FAM3B: variants seen among roughly 807,000 people sequenced by gnomAD.
FAM3B encodes protein FAM3B.
FAM3B carries 29 observed loss-of-function variants against 28.4 expected under a neutral mutation model. That is an observed-to-expected ratio of 1.02 (90% CI 0.76 to 1.39). FAM3B has a LOEUF of 1.39. FAM3B is among the 40% of genes most tolerant of loss of function. The pLI, the probability that FAM3B is intolerant of heterozygous loss-of-function variation, is 0.00. For missense variants in FAM3B, 266 were observed against 293.9 expected, an observed-to-expected ratio of 0.91 and a Z score of 0.69; for synonymous variants, 91 against 103.0, an observed-to-expected ratio of 0.88 and a Z score of 0.71.
intron 3 of FAM3B, among the ~76,000 whole-genome samples, chr21:41,342,463 A>G (rs143346815): frequency 5.4e-4 from 82 of 152,232 alleles, no homozygotes; most frequent in African/African-American, 1.9e-3. Flanking sequence ...AATGAAACAT[A>G]TATTAGACCT....
At chr21:41,347,830 GCTCAGTGCCT>G (rs2089078952) in intron 6 of FAM3B, among the ~76,000 whole-genome samples, 1 of 151,822 alleles carries the variant, frequency 6.6e-6, no homozygotes, top group Admixed American at 6.6e-5. Flanking sequence ...AGTGGATGTA[GCTCAGTGCCT>G]CTCAGAGTGT....
intron 3 of FAM3B, among the ~76,000 whole-genome samples, chr21:41,339,171 A>C (rs746542794): frequency 3.3e-5 from 5 of 152,238 alleles, no homozygotes; most frequent in Non-Finnish European, 7.3e-5. Flanking sequence ...ATTTCCCAAC[A>C]AAGTCGTCCT....
intron 7 of FAM3B, 88 bp downstream of exon 7, chr21:41,348,812 G>T: frequency 7.0e-7 from 1 of 1,426,362 alleles, no homozygotes; most frequent in Non-Finnish European, 9.8e-7. Flanking sequence ...TTATAACTCC[G>T]TCTCCAAACA....
intron 1 of FAM3B, among the ~76,000 whole-genome samples, chr21:41,318,911 C>T (rs2088775479): frequency 6.6e-6 from 1 of 152,172 alleles, no homozygotes; most frequent in Non-Finnish European, 1.5e-5. Context: ...TTATTGTTTA[C>T]AGACAGGGTC....
chr21:41,339,601 C>G (rs1464901349), intron 3 of FAM3B, among the ~76,000 whole-genome samples: 1 of 152,356 alleles, frequency 6.6e-6, no homozygotes, highest in East Asian at 1.9e-4. Flanking sequence ...TACATTTTAA[C>G]TCTTCCCTTA....
At position 41,326,308 on chromosome 21, in the gene FAM3B, T is replaced by C. The variant is rs2088854466; in HGVS notation, c.163+3242T>C. 6.6e-6 allele frequency among the ~76,000 whole-genome samples: 1 copy of C among 152,218 alleles called. No homozygotes were observed. On this transcript the variant is annotated intron_variant, in intron 2 of 7. Coordinates refer to ENST00000357985, the MANE Select transcript of FAM3B (RefSeq NM_058186.4). This position sits in a 1 kb window ranked among gnomAD's most constrained non-coding sequence, Gnocchi z 4.0. Reference sequence around the variant, plus strand: ...CTTTCTTCATTCACGTGGTGACACATTGTGCTTCTGGGAAACGGATGGGGG... The same window carrying C: ...CTTTCTTCATTCACGTGGTGACACACTGTGCTTCTGGGAAACGGATGGGGG...
chr21:41,308,810 A>G (rs1327322680), intron 1 of FAM3B, among the ~76,000 whole-genome samples: 1 of 152,064 alleles, frequency 6.6e-6, no homozygotes, highest in Non-Finnish European at 1.5e-5. Flanking sequence ...CACATTTTGC[A>G]GTCCAGGCGA....
chr21:41,339,353 G>A (rs143360140), intron 3 of FAM3B, among the ~76,000 whole-genome samples: 2 of 152,028 alleles, frequency 1.3e-5, no homozygotes, highest in African/African-American at 2.4e-5. Flanking sequence ...AAACTCAGCC[G>A]AGTCTTTCTT....
chr21:41,323,995 C>T (rs1304459250), intron 2 of FAM3B, among the ~76,000 whole-genome samples: 3 of 152,188 alleles, frequency 2.0e-5, no homozygotes, highest in Non-Finnish European at 2.9e-5. Flanking sequence ...TGGAGACCTG[C>T]ATTCTGCTTC....
At chr21:41,347,160 GC>G in intron 6 of FAM3B, 60 bp downstream of exon 6, 1 of 1,436,914 alleles carries the variant, frequency 7.0e-7, no homozygotes, top group Non-Finnish European at 9.8e-7. Context: ...GGCAGAGGCT[GC>G]CAGGGTCTCT....
intron 7 of FAM3B, among the ~76,000 whole-genome samples, chr21:41,352,544 C>G (rs562137305): frequency 9.1e-4 from 139 of 152,208 alleles, no homozygotes; most frequent in African/African-American, 3.2e-3. Flanking sequence ...CCTGTAATTG[C>G]AGCACTTTGG....
chr21:41,353,436 C>A (rs1601377494), intron 7 of FAM3B, among the ~76,000 whole-genome samples: 1 of 152,194 alleles, frequency 6.6e-6, no homozygotes, highest in African/African-American at 2.4e-5. Flanking sequence ...GAGATACTGT[C>A]ACTCTGGCAT....
intron 1 of FAM3B, among the ~76,000 whole-genome samples, chr21:41,311,251 A>AAAAAATATATAT (rs1555866518): frequency 2.9e-5 from 1 of 35,078 alleles, no homozygotes; most frequent in African/African-American, 1.2e-4. Context: ...AAAAAAAAAA[A>AAAAAATATATAT]ATATATATAT....
At chr21:41,320,782 TG>T (rs953812536) in intron 1 of FAM3B, 1 of 152,206 alleles carries the variant, frequency 6.6e-6, no homozygotes, top group Non-Finnish European at 1.5e-5. Flanking sequence ...CTAGTCTTCC[TG>T]GGAGTCCTGA....
chr21:41,332,265 C>T (rs2088913090), intron 2 of FAM3B, among the ~76,000 whole-genome samples: 1 of 152,170 alleles, frequency 6.6e-6, no homozygotes, highest in African/African-American at 2.4e-5. Flanking sequence ...AAGCAGATGC[C>T]AGTACCAAGC....
chr21:41,316,770 C>A, upstream of FAM3B: 1 of 1,166,426 alleles, frequency 8.6e-7, no homozygotes, highest in Non-Finnish European at 1.1e-6. Context: ...TGGCCCGCCC[C>A]TGCCCGACAC....
At position 41,345,612 on chromosome 21, in the gene FAM3B, C is replaced by T. The variant is rs1036560472; in HGVS notation, c.347-74C>T. On this transcript the variant is annotated intron_variant, in intron 4 of 7. Coordinates refer to ENST00000357985, the MANE Select transcript of FAM3B (RefSeq NM_058186.4). ...TAGACAGGGAAGAAATATTTCCTTC[C>T]CCAGGCCCTGGTGCCACAAGTGCGC... is the stretch of plus-strand genomic sequence containing the variant. 1.2e-5 allele frequency: 10 copies of T among 834,100 alleles called. No individual in the cohort carries two copies. In the South Asian group the frequency reaches 1.8e-4, roughly 15 times the overall value. 51.7% of individuals were successfully genotyped at this position (834,100 alleles called of 1,614,324 possible). A position where few individuals can be genotyped will look rare whatever the true frequency, so the allele number is the denominator to read the frequency against.
At chr21:41,308,028 G>T (rs1267589698) in intron 1 of FAM3B, among the ~76,000 whole-genome samples, 2 of 152,192 alleles carry the variant, frequency 1.3e-5, no homozygotes, top group South Asian at 2.1e-4. Context: ...GCACAATAAA[G>T]TGAGGTGTGC....
chr21:41,312,678 T>TAAC (rs1354150559), upstream of FAM3B, among the ~76,000 whole-genome samples: 2 of 152,042 alleles, frequency 1.3e-5, no homozygotes, highest in African/African-American at 4.8e-5. Flanking sequence ...ACATGTAAGT[T>TAAC]ATGAAGCAGA....
Sources: allele counts gnomAD v4.1 joint callset (sites outside exome capture counted in the v4.1 genomes callset), GRCh38; gene constraint gnomAD v4.1.1; non-coding constraint Gnocchi (gnomAD v3.1); transcripts MANE v1.5; gene names NCBI Gene and HGNC (gene_info 2026-07-23, HGNC 2026-07-21).